Variants in SLC44A5 observed in about 807,000 individuals in gnomAD.
SLC44A5 encodes solute carrier family 44 member 5.
SLC44A5 carries 57 observed loss-of-function variants against 101.8 expected under a neutral mutation model. The ratio of observed to expected loss-of-function variants is 0.56; its 90% CI spans 0.45 to 0.70. The LOEUF is 0.70. Among genes scored for constraint, SLC44A5 ranks in the 30% least tolerant of loss-of-function variants. The pLI, the probability that SLC44A5 is intolerant of heterozygous loss-of-function variation, is 0.00. For missense variants in SLC44A5, 737 were observed against 853.1 expected (o/e 0.86, Z 1.70); for synonymous variants, 281 against 290.9 (o/e 0.97, Z 0.35).
chr1:75,667,241 T>C, the SLC44A5 span, among the ~76,000 whole-genome samples: 1 of 152,136 alleles, frequency 6.6e-6, no homozygotes, highest in Admixed American at 6.5e-5. Context: ...AGTCTCAAGA[T>C]ACAAAATCAA....
At chr1:75,281,350 G>T (rs898376791) in intron 5 of SLC44A5, among the ~76,000 whole-genome samples, 13 of 151,920 alleles carry the variant, frequency 8.6e-5, no homozygotes, top group Non-Finnish European at 1.8e-4. Flanking sequence ...GATGATTTAG[G>T]GTATCTGGTG....
chr1:75,610,249 T>A (rs1483760856), intron 1 of SLC44A5, among the ~76,000 whole-genome samples: 1 of 152,004 alleles, frequency 6.6e-6, no homozygotes, highest in African/African-American at 2.4e-5. Context: ...TACATACATA[T>A]ACCTATATAC....
chr1:75,648,421 A>G, the SLC44A5 span, among the ~76,000 whole-genome samples: 7 of 152,152 alleles, frequency 4.6e-5, no homozygotes, highest in South Asian at 1.0e-3. Context: ...AATACAAAGA[A>G]TATAATCTAA....
chr1:75,600,260 T>A (rs1167442263), intron 1 of SLC44A5, among the ~76,000 whole-genome samples: 1 of 152,076 alleles, frequency 6.6e-6, no homozygotes, highest in Non-Finnish European at 1.5e-5. Flanking sequence ...GATAAAGATG[T>A]CATTATATAA....
chr1:75,281,485 C>A (rs532363822), intron 5 of SLC44A5, among the ~76,000 whole-genome samples: 1 of 152,144 alleles, frequency 6.6e-6, no homozygotes, highest in South Asian at 2.1e-4. Context: ...AAGCCTGCTG[C>A]AGAAATTTGT....
chr1:75,310,205 T>C (rs1256032732), intron 4 of SLC44A5, among the ~76,000 whole-genome samples: 2 of 152,234 alleles, frequency 1.3e-5, no homozygotes, highest in African/African-American at 4.8e-5. Context: ...AAGGAATTTA[T>C]TTGTTAAATA....
At chr1:75,310,525 T>C (rs1655216350) in intron 4 of SLC44A5, among the ~76,000 whole-genome samples, 1 of 152,232 alleles carries the variant, frequency 6.6e-6, no homozygotes, top group Admixed American at 6.5e-5. Flanking sequence ...GTGTTTTGCT[T>C]TTCAGCTTCT....
chr1:75,673,041 T>G, the SLC44A5 span, among the ~76,000 whole-genome samples: 1 of 152,244 alleles, frequency 6.6e-6, no homozygotes, highest in East Asian at 1.9e-4. Flanking sequence ...ATGGTGGTTT[T>G]GAGAAAAGAC....
At chr1:75,286,888 T>C (rs190557222) in intron 5 of SLC44A5, among the ~76,000 whole-genome samples, 169 of 152,286 alleles carry the variant, frequency 1.1e-3, no homozygotes, top group Non-Finnish European at 2.1e-3. Flanking sequence ...TGAAATTCTT[T>C]CCTTTGTCTT....
At chr1:75,539,095 G>C (rs1178129595) in intron 2 of SLC44A5, among the ~76,000 whole-genome samples, 4 of 152,122 alleles carry the variant, frequency 2.6e-5, no homozygotes, top group Non-Finnish European at 4.4e-5. Context: ...AACTTAAATA[G>C]TCTATCCCCT....
chr1:75,391,408 A>C (rs550041609), intron 3 of SLC44A5, among the ~76,000 whole-genome samples: 1 of 152,334 alleles, frequency 6.6e-6, no homozygotes. Flanking sequence ...CATCCTAAAC[A>C]AAAAGAACAA....
chr1:75,399,713 A>T (rs2101424591), intron 2 of SLC44A5, among the ~76,000 whole-genome samples: 1 of 152,362 alleles, frequency 6.6e-6, no homozygotes, highest in Middle Eastern at 3.4e-3. Flanking sequence ...TTGTAAAAAA[A>T]TTGTATATCT....
intron 2 of SLC44A5, among the ~76,000 whole-genome samples, chr1:75,428,662 TA>T (rs1174931529): frequency 6.6e-6 from 1 of 152,148 alleles, no homozygotes; most frequent in Non-Finnish European, 1.5e-5. Flanking sequence ...AGCACCAATT[TA>T]GAAAGATTTG....
At chr1:75,509,282 G>T (rs535671964) in intron 2 of SLC44A5, among the ~76,000 whole-genome samples, 152 of 152,314 alleles carry the variant, frequency 1.0e-3, no homozygotes, top group Admixed American at 3.8e-3. Flanking sequence ...AAGAGTAAGA[G>T]AAATGAATGA....
chr1:75,670,489 T>A, the SLC44A5 span, among the ~76,000 whole-genome samples: 1 of 152,118 alleles, frequency 6.6e-6, no homozygotes, highest in South Asian at 2.1e-4. Context: ...TAGGTCTAAA[T>A]CTCCCATGAA....
At chr1:75,499,356 G>A (rs1005314998) in intron 2 of SLC44A5, among the ~76,000 whole-genome samples, 4 of 152,202 alleles carry the variant, frequency 2.6e-5, no homozygotes, top group African/African-American at 7.2e-5. Context: ...TCACAACAGG[G>A]TTTGTGCTCC....
chr1:75,339,731 A>T, intron 3 of SLC44A5, 101 bp from the exon 4 acceptor site: 1 of 933,464 alleles, frequency 1.1e-6, no homozygotes. Context: ...TCCACTGCTC[A>T]GTGCAGTGAT....
chr1:75,264,104 A>G (rs1252939534), intron 6 of SLC44A5, among the ~76,000 whole-genome samples: 1 of 148,094 alleles, frequency 6.8e-6, no homozygotes, highest in Non-Finnish European at 1.5e-5. Context: ...TGTTCTGCAC[A>G]TGTATCCCAT....
At chr1:75,318,955 G>A (rs1040853126) in intron 4 of SLC44A5, among the ~76,000 whole-genome samples, 1 of 151,718 alleles carries the variant, frequency 6.6e-6, no homozygotes, top group East Asian at 1.9e-4. Context: ...CCCTGCCAAC[G>A]CACATCTCCC....
Sources: allele counts gnomAD v4.1 joint callset (sites outside exome capture counted in the v4.1 genomes callset), GRCh38; gene constraint gnomAD v4.1.1; transcripts MANE v1.5; gene names NCBI Gene and HGNC (gene_info 2026-07-23, HGNC 2026-07-21).